The following CRY1 variants were observed in gnomAD, a reference collection of about 807,000 sequenced individuals.
The protein encoded by CRY1 is cryptochrome-1.
In CRY1, 45 loss-of-function variants were observed where a neutral mutation model predicts 76.0. The ratio of observed to expected loss-of-function variants is 0.59; its 90% confidence interval spans 0.47 to 0.76. CRY1 has a LOEUF of 0.76. CRY1 is among the 30% of genes least tolerant of loss of function. CRY1 has a pLI of 0.00. For missense variants in CRY1, 587 were observed against 716.4 expected (o/e 0.82, Z 2.06); for synonymous variants, 248 against 244.0 (o/e 1.02, Z -0.15).
chr12:107,059,344 CT>C (rs1953023010), intron 1 of CRY1, among the ~76,000 whole-genome samples: 1 of 152,156 alleles, frequency 6.6e-6, no homozygotes. Context: ...CTCAACCTCC[CT>C]GGCTCAAGTG....
intron 2 of CRY1, among the ~76,000 whole-genome samples, chr12:107,006,817 A>T (rs1460419038): frequency 1.3e-5 from 2 of 151,936 alleles, no homozygotes; most frequent in Admixed American, 1.3e-4. Flanking sequence ...ACAACTAGCT[A>T]ATTTTTGTAT....
chr12:107,057,350 T>C (rs569641236), intron 1 of CRY1, among the ~76,000 whole-genome samples: 2 of 152,172 alleles, frequency 1.3e-5, no homozygotes, highest in Admixed American at 6.5e-5. Flanking sequence ...AAATAATGGG[T>C]TGGCAAATCA....
At chr12:107,069,181 G>A (rs557560947) in intron 1 of CRY1, among the ~76,000 whole-genome samples, 4 of 151,406 alleles carry the variant, frequency 2.6e-5, no homozygotes, top group South Asian at 2.1e-4. Context: ...ATGTACAAGG[G>A]TTCCAATTTC....
intron 1 of CRY1, among the ~76,000 whole-genome samples, chr12:107,079,042 C>A (rs538280548): frequency 1.3e-5 from 2 of 152,248 alleles, no homozygotes; most frequent in African/African-American, 4.8e-5. Context: ...ATTTATATTT[C>A]CCCAAACAAG....
chr12:107,038,290 T>C (rs1952759749), intron 1 of CRY1, among the ~76,000 whole-genome samples: 1 of 152,154 alleles, frequency 6.6e-6, no homozygotes, highest in Non-Finnish European at 1.5e-5. Context: ...AGCACATTTG[T>C]AGTAGTCTTA....
rs1372579340 is a variant in CRY1 at position 106,991,809 on chromosome 12, T to G, written c.*193A>C. ...TTAAGCAAATTCTCTTGCCAAGTTC[T>G]TTATATACAAATTACCAATTGTCCT... On this transcript the variant is annotated 3_prime_UTR_variant, in exon 13 of 13. Coordinates refer to ENST00000008527, the MANE Select transcript of CRY1 (RefSeq NM_004075.5). 1.3e-5 allele frequency: 2 copies of G among 152,606 alleles called. No homozygotes were observed. Among genetic ancestry groups the G allele is most frequent in the Admixed American group, 1.3e-4 (2 of 15,278 alleles). 9.5% of individuals were successfully genotyped at this position (152,606 alleles called of 1,614,324 possible).
intron 1 of CRY1, among the ~76,000 whole-genome samples, chr12:107,061,765 T>C (rs1953050076): frequency 1.3e-5 from 2 of 152,290 alleles, no homozygotes; most frequent in South Asian, 4.1e-4. Flanking sequence ...ACATTTTTCT[T>C]ACCATATCCA....
intron 1 of CRY1, among the ~76,000 whole-genome samples, chr12:107,052,971 G>C (rs966839451): frequency 1.3e-5 from 2 of 152,192 alleles, no homozygotes; most frequent in African/African-American, 4.8e-5. Context: ...GAGGAAGAAG[G>C]AGAGAACCAG....
At chr12:107,009,266 G>C (rs2136830860) in intron 2 of CRY1, among the ~76,000 whole-genome samples, 1 of 151,988 alleles carries the variant, frequency 6.6e-6, no homozygotes, top group South Asian at 2.1e-4. Flanking sequence ...ATTGCAGGCT[G>C]GGCACGGTGG....
chr12:107,011,999 G>A (rs1216110139), intron 2 of CRY1, among the ~76,000 whole-genome samples: 1 of 152,100 alleles, frequency 6.6e-6, no homozygotes, highest in Non-Finnish European at 1.5e-5. Context: ...AGACCAGTCT[G>A]GCCAACATGG....
chr12:107,005,171 TTTC>T lies in CRY1; in HGVS notation c.342_344del (p.Lys115del). On this transcript the variant is annotated inframe_deletion, in exon 3 of 13. Transcript: ENST00000008527. Reference sequence around the variant, plus strand: ...CTTCTACTCCAGCTTCAGTTGCCAGTTTCTTAATAGCTGCGTCTCGTTCCTTTC... The same window carrying T: ...CTTCTACTCCAGCTTCAGTTGCCAGTTTAATAGCTGCGTCTCGTTCCTTTC... 6.2e-7 allele frequency: 1 copy of T among 1,613,742 alleles called. No homozygotes were observed.
intron 2 of CRY1, among the ~76,000 whole-genome samples, chr12:107,006,945 G>A (rs1952383570): frequency 6.6e-6 from 1 of 151,964 alleles, no homozygotes; most frequent in Non-Finnish European, 1.5e-5. Flanking sequence ...TGCCCAGCCA[G>A]TAATTGTTTT....
chr12:107,004,393 A>G (rs1421489408), intron 3 of CRY1, among the ~76,000 whole-genome samples: 1 of 152,200 alleles, frequency 6.6e-6, no homozygotes, highest in Non-Finnish European at 1.5e-5. Flanking sequence ...AAAAAGTAAA[A>G]TGATTTAAAA....
intron 1 of CRY1, among the ~76,000 whole-genome samples, chr12:107,063,761 C>A (rs1953077383): frequency 6.6e-6 from 1 of 152,092 alleles, no homozygotes; most frequent in Non-Finnish European, 1.5e-5. Context: ...CCACGCCCAG[C>A]TAATTTTTGT....
At chr12:107,082,938 T>TA (rs1565847248) in intron 1 of CRY1, among the ~76,000 whole-genome samples, 3 of 151,972 alleles carry the variant, frequency 2.0e-5, no homozygotes, top group Non-Finnish European at 4.4e-5. Flanking sequence ...ACAAAATTGA[T>TA]AGACTGCTAG....
chr12:107,049,810 GA>G (rs1215555002), intron 1 of CRY1: 3 of 152,186 alleles, frequency 2.0e-5, no homozygotes, highest in African/African-American at 7.2e-5. Context: ...GCCACTTCCA[GA>G]AGTAGAAATG....
At chr12:107,075,060 C>G (rs1422039119) in intron 1 of CRY1, among the ~76,000 whole-genome samples, 1 of 151,966 alleles carries the variant, frequency 6.6e-6, no homozygotes, top group East Asian at 1.9e-4. Context: ...TACTAGTGAT[C>G]TCCAATTTAT....
In CRY1 at chr12:106,991,660, A is replaced by C. The variant is rs759593631; in HGVS notation, c.*342T>G. On this transcript the variant is annotated 3_prime_UTR_variant, in exon 13 of 13. Transcript: ENST00000008527. ...AAGTCTAAAAACCTCCTTTTTTCCC[A>C]CTGACTTCAAAACTTTGAGTTTTAT... 3 of 152,520 alleles carry C rather than the reference A, an allele frequency of 2.0e-5. No homozygotes were observed. The highest frequency in any genetic ancestry group is 2.9e-5 in the Non-Finnish European group (2 of 67,984). The allele number at this position is 152,520 out of a possible 1,614,324, so 9.4% of individuals were successfully genotyped here.
At chr12:106,995,549 CTA>C (rs1266377431) in intron 10 of CRY1, among the ~76,000 whole-genome samples, 1 of 152,090 alleles carries the variant, frequency 6.6e-6, no homozygotes, top group Non-Finnish European at 1.5e-5. Flanking sequence ...TCTTATGAAA[CTA>C]CAGTACAACA....
Sources: allele counts gnomAD v4.1 joint callset (sites outside exome capture counted in the v4.1 genomes callset), GRCh38; gene constraint gnomAD v4.1.1; transcripts MANE v1.5; gene names NCBI Gene and HGNC (gene_info 2026-07-23, HGNC 2026-07-21).